Variants in CSMD3 observed in about 807,000 individuals in gnomAD.
CSMD3 encodes the protein CUB and Sushi multiple domains 3.
CSMD3 carries 177 observed loss-of-function variants against 435.2 expected under a neutral mutation model. The observed-to-expected ratio is 0.41, with a 90% CI of 0.36 to 0.46. The LOEUF is 0.46. CSMD3 is among the 20% of genes least tolerant of loss of function. CSMD3 has a pLI of 0.34. For missense variants in CSMD3, 4,265 were observed against 4,504.6 expected (o/e 0.95, Z 1.52); for synonymous variants, 1,656 against 1,520.5 (o/e 1.09, Z -2.07).
intron 66 of CSMD3, 31 bp downstream of exon 66, chr8:112,241,689 G>A (rs761702974): frequency 2.0e-5 from 29 of 1,486,724 alleles, no homozygotes; most frequent in Non-Finnish European, 2.4e-5. Flanking sequence ...TAGAAATAAT[G>A]AACTCTAGAA....
intron 6 of CSMD3, among the ~76,000 whole-genome samples, chr8:113,011,886 T>C (rs553445986): frequency 6.6e-6 from 1 of 151,798 alleles, no homozygotes; most frequent in Non-Finnish European, 1.5e-5. Flanking sequence ...TCTGTAGACA[T>C]TGTACTAAAA....
chr8:113,283,961 A>C (rs1461008113), intron 2 of CSMD3, among the ~76,000 whole-genome samples: 1 of 152,184 alleles, frequency 6.6e-6, no homozygotes, highest in Non-Finnish European at 1.5e-5. Context: ...ACTGGAGACT[A>C]TTATTCTAAG....
At chr8:113,054,753 G>T (rs571516503) in intron 5 of CSMD3, among the ~76,000 whole-genome samples, 1 of 152,010 alleles carries the variant, frequency 6.6e-6, no homozygotes, top group East Asian at 1.9e-4. Context: ...TTCTGTACAC[G>T]CTGTCTTCAT....
chr8:112,590,982 C>T (rs1204452241), intron 22 of CSMD3, among the ~76,000 whole-genome samples: 2 of 151,954 alleles, frequency 1.3e-5, no homozygotes, highest in African/African-American at 2.4e-5. Context: ...TGTTTCCTCT[C>T]TCTAATTTGA....
intron 22 of CSMD3, among the ~76,000 whole-genome samples, chr8:112,632,925 A>G (rs1300848417): frequency 1.3e-5 from 2 of 151,954 alleles, no homozygotes; most frequent in Non-Finnish European, 2.9e-5. Context: ...CTCTCCAGGA[A>G]AATCATTCAA....
intron 31 of CSMD3, among the ~76,000 whole-genome samples, chr8:112,489,261 A>T (rs1820445554): frequency 6.6e-6 from 1 of 152,086 alleles, no homozygotes; most frequent in Non-Finnish European, 1.5e-5. Context: ...CTGCAAAAAA[A>T]ATAAAAATAA....
intron 2 of CSMD3, among the ~76,000 whole-genome samples, chr8:113,286,830 C>T (rs1490523376): frequency 1.3e-5 from 2 of 151,600 alleles, no homozygotes; most frequent in African/African-American, 4.8e-5. Context: ...TAGCATATTG[C>T]TGCTTATAAT....
chr8:112,780,297 T>C (rs1260274403), intron 13 of CSMD3, among the ~76,000 whole-genome samples: 1 of 152,114 alleles, frequency 6.6e-6, no homozygotes, highest in Admixed American at 6.6e-5. Flanking sequence ...ATAGGAACTA[T>C]AAGAGAAGTC....
intron 6 of CSMD3, among the ~76,000 whole-genome samples, chr8:113,010,531 ATAT>A (rs1266644016): frequency 5.3e-5 from 8 of 151,822 alleles, no homozygotes; most frequent in Non-Finnish European, 2.9e-5. Context: ...AATATTGTCC[ATAT>A]TATAACTAGT....
At chr8:112,922,826 T>C (rs1269306516) in intron 9 of CSMD3, among the ~76,000 whole-genome samples, 1 of 152,080 alleles carries the variant, frequency 6.6e-6, no homozygotes, top group Admixed American at 6.6e-5. Flanking sequence ...AAAGAGAGAT[T>C]ATATTTACAG....
chr8:112,925,382 C>A (rs961151558), intron 9 of CSMD3, among the ~76,000 whole-genome samples: 1 of 151,762 alleles, frequency 6.6e-6, no homozygotes, highest in Non-Finnish European at 1.5e-5. Flanking sequence ...CACGGTGAGA[C>A]CCCGTCTCTA....
At chr8:112,455,310 C>T (rs1471928972) in intron 32 of CSMD3, among the ~76,000 whole-genome samples, 4 of 151,688 alleles carry the variant, frequency 2.6e-5, no homozygotes, top group Non-Finnish European at 4.4e-5. Flanking sequence ...AACTGTAGGC[C>T]GTTATCCTAA....
chr8:113,003,448 T>G (rs1435092053), intron 6 of CSMD3, among the ~76,000 whole-genome samples: 1 of 152,064 alleles, frequency 6.6e-6, no homozygotes, highest in African/African-American at 2.4e-5. Flanking sequence ...GTAATATTTT[T>G]GATAAGTGTG....
At chr8:113,290,026 C>T (rs1350857041) in intron 2 of CSMD3, among the ~76,000 whole-genome samples, 1 of 151,514 alleles carries the variant, frequency 6.6e-6, no homozygotes, top group Admixed American at 6.6e-5. Flanking sequence ...TTTTCTTTGT[C>T]AATTTCCTCC....
At chr8:113,092,893 G>C (rs1015590162) in intron 5 of CSMD3, among the ~76,000 whole-genome samples, 10 of 151,938 alleles carry the variant, frequency 6.6e-5, no homozygotes, top group Non-Finnish European at 1.3e-4. Context: ...CTTGGTTTTT[G>C]TTTGCATTTT....
intron 10 of CSMD3, among the ~76,000 whole-genome samples, chr8:112,862,499 T>C (rs1454416666): frequency 6.6e-6 from 1 of 152,064 alleles, no homozygotes; most frequent in Non-Finnish European, 1.5e-5. Flanking sequence ...TCCTTAATCC[T>C]GCAGTGGGAA....
At chr8:112,661,657 C>G (rs2075382981) in intron 17 of CSMD3, among the ~76,000 whole-genome samples, 1 of 152,108 alleles carries the variant, frequency 6.6e-6, no homozygotes, top group South Asian at 2.1e-4. Flanking sequence ...GTTCATAAAG[C>G]TTAAACTAAT....
intron 6 of CSMD3, among the ~76,000 whole-genome samples, chr8:112,976,865 A>G (rs2084867659): frequency 6.6e-6 from 1 of 151,866 alleles, no homozygotes; most frequent in East Asian, 1.9e-4. Context: ...AAACTTAACT[A>G]TTATTATACA....
chr8:113,227,759 G>A (rs924684239), intron 3 of CSMD3, among the ~76,000 whole-genome samples: 1 of 151,620 alleles, frequency 6.6e-6, no homozygotes, highest in African/African-American at 2.4e-5. Flanking sequence ...CCCCAGTCAT[G>A]TGGAACTGTG....
Sources: allele counts gnomAD v4.1 joint callset (sites outside exome capture counted in the v4.1 genomes callset), GRCh38; gene constraint gnomAD v4.1.1; transcripts MANE v1.5; gene names NCBI Gene and HGNC (gene_info 2026-07-23, HGNC 2026-07-21).